PML: variants seen among roughly 807,000 people sequenced by gnomAD.
PML encodes PML nuclear body scaffold.
Under a neutral mutation model 65.2 loss-of-function variants are expected in PML, and 28 were observed. The ratio of observed to expected loss-of-function variants is 0.43; its 90% CI spans 0.32 to 0.59. PML has a LOEUF of 0.59. Ranked by LOEUF, PML falls within the 20% of genes least tolerant of loss-of-function variation. The pLI, the probability that PML is intolerant of heterozygous loss-of-function variation, is 0.08. For missense variants in PML, 1,021 were observed against 1,203.4 expected (o/e 0.85, Z 2.24); for synonymous variants, 500 against 508.8 (o/e 0.98, Z 0.23).
rs560801018 is a variant in PML, at chr15:74,037,845, C to T, written c.1710+3315C>T. 3.8e-4 allele frequency: 159 copies of T among 417,108 alleles called. No homozygotes were observed. Among genetic ancestry groups the T allele is most frequent in the Admixed American group, 1.5e-3 (24 of 15,600 alleles). 25.8% of individuals were successfully genotyped at this position (417,108 alleles called of 1,614,324 possible). On this transcript the variant is annotated intron_variant, in intron 7 of 8. Transcript: ENST00000268058. The surrounding 1 kb of genome is among the most constrained non-coding windows in gnomAD (Gnocchi z 4.2). ...GTATTCTCCCAGGTGCTCTCAGCCACGCCCCTGACTTCAGTTACTGCCCAG... is the reference window on the plus strand; with the variant it reads ...GTATTCTCCCAGGTGCTCTCAGCCATGCCCCTGACTTCAGTTACTGCCCAG...
intron 2 of PML, among the ~76,000 whole-genome samples, chr15:74,017,879 AAAT>A (rs2070664411): frequency 6.6e-6 from 1 of 152,012 alleles, no homozygotes; most frequent in Non-Finnish European, 1.5e-5. Flanking sequence ...CTTAGGCCTG[AAAT>A]CGCAGCACTT....
At position 74,023,047 on chromosome 15, in the gene PML, G is replaced by T. The variant is rs1320649709; in HGVS notation, c.822G>T (p.Glu274Asp). 6.2e-7 allele frequency: 1 copy of T among 1,604,362 alleles called. No homozygotes were observed. The highest frequency in any genetic ancestry group is 8.5e-7 in the Non-Finnish European group (1 of 1,178,352). Reference protein sequence around the residue: ...AVGQLGRARAETEELIRERVR... With the variant: ...AVGQLGRARADTEELIRERVR... ...GCCAGCTGGGCCGCGCGCGTGCCGA[G>T]ACCGAGGAGCTGATCCGCGAGCGCG... is the stretch of plus-strand genomic sequence containing the variant. The change falls in exon 3 of 9, where the codon GAG (glutamate) becomes GAT (aspartate). Residue 274 changes from glutamate to aspartate, a missense_variant. Transcript: ENST00000268058.
In PML at chr15:74,044,989, G is replaced by A. The variant is rs1595924064; in HGVS notation, c.2630G>A (p.Arg877Lys). ...TPLAGRGLAE[R>K]ASQQS ...CTTGCTGGCCGTGGCTTGGCAGAGAGGGCCTCCCAGCAGAGCTGAGAGGAG... is the reference window on the plus strand; with the variant it reads ...CTTGCTGGCCGTGGCTTGGCAGAGAAGGCCTCCCAGCAGAGCTGAGAGGAG... Residue 877 changes from arginine to lysine, a missense_variant, in exon 9 of 9, where the codon AGG becomes AAG. Arg to Lys is a conservative substitution (Grantham distance 26). Coordinates refer to ENST00000268058, the MANE Select transcript of PML (RefSeq NM_033238.3). 1 of 1,605,972 alleles carries A rather than the reference G, an allele frequency of 6.2e-7. No individual in the cohort carries two copies.
chr15:74,042,180 G>A lies in PML; in HGVS notation c.1711-809G>A, dbSNP rs1284433246. ...CTGGCTCCCCACCCCATGGCTTCTC[G>A]AACAGTGTTCCCACCAGGACCTTGG... On this transcript the variant is annotated intron_variant, in intron 7 of 8. Transcript: ENST00000268058. This position sits in a 1 kb window ranked among gnomAD's most constrained non-coding sequence, Gnocchi z 5.3. Among the ~76,000 whole-genome samples the A allele has an allele frequency of 6.6e-6, 1 of 152,256 alleles. No homozygotes were observed. The highest frequency in any genetic ancestry group is 2.4e-5 in the African/African-American group (1 of 41,534).
chr15:74,018,322 CAA>C (rs10663510), intron 2 of PML, among the ~76,000 whole-genome samples: 10 of 94,860 alleles, frequency 1.1e-4, no homozygotes, highest in Non-Finnish European at 1.1e-4. Context: ...GACTCAGTCT[CAA>C]AAAAAAAAAA....
chr15:74,036,017 C>T (rs1348558743), intron 7 of PML: 2 of 1,614,158 alleles, frequency 1.2e-6, no homozygotes, highest in Non-Finnish European at 1.7e-6. Context: ...CTGCCTCCTC[C>T]AGCCCATGCT....
chr15:74,004,997 C>T (rs1202772412), intron 2 of PML, among the ~76,000 whole-genome samples: 1 of 152,122 alleles, frequency 6.6e-6, no homozygotes, highest in African/African-American at 2.4e-5. Flanking sequence ...TAGGCGTGAG[C>T]CACTGTGCCT....
At chr15:74,028,179 A>G (rs1408455958) in intron 4 of PML, 1 of 152,246 alleles carries the variant, frequency 6.6e-6, no homozygotes, top group Non-Finnish European at 1.5e-5. Flanking sequence ...TTTAATGGAA[A>G]AAAATAAATT....
intron 7 of PML, among the ~76,000 whole-genome samples, chr15:74,039,666 A>C (rs1031482507): frequency 2.0e-5 from 3 of 152,182 alleles, no homozygotes; most frequent in East Asian, 3.8e-4. Context: ...ATTCTAATCG[A>C]ATCAGTCTTG....
intron 4 of PML, chr15:74,026,849 G>T (rs1381957280): frequency 1.3e-5 from 2 of 151,902 alleles, no homozygotes; most frequent in East Asian, 3.9e-4. Flanking sequence ...ATGGGGTTTT[G>T]CTATGTTAGC....
At chr15:74,039,701 T>C (rs1327073739) in intron 7 of PML, among the ~76,000 whole-genome samples, 27 of 152,214 alleles carry the variant, frequency 1.8e-4, no homozygotes. Flanking sequence ...CTCAGTTTTT[T>C]CTTAAAGCTA....
intron 2 of PML, among the ~76,000 whole-genome samples, chr15:73,999,895 C>A (rs140818472): frequency 7.0e-6 from 1 of 142,250 alleles, no homozygotes; most frequent in Admixed American, 7.2e-5. Context: ...AGTGCAGTGG[C>A]GCGATCTCGG....
At chr15:74,009,698 C>G (rs1395129456) in intron 2 of PML, among the ~76,000 whole-genome samples, 2 of 151,704 alleles carry the variant, frequency 1.3e-5, no homozygotes, top group Non-Finnish European at 2.9e-5. Flanking sequence ...GCAGCCTCAA[C>G]CTCCCAGGTT....
chr15:74,021,228 A>G (rs2070819699), intron 2 of PML, among the ~76,000 whole-genome samples: 1 of 152,204 alleles, frequency 6.6e-6, no homozygotes, highest in African/African-American at 2.4e-5. Context: ...ATGAGTAAAT[A>G]TTTGCCAATG....
intron 1 of PML, among the ~76,000 whole-genome samples, chr15:73,996,380 A>C (rs1472208284): frequency 6.6e-6 from 1 of 152,246 alleles, no homozygotes. Context: ...CCCACAATAT[A>C]TGAGACTCAA....
chr15:74,002,459 T>C (rs1233913057), intron 2 of PML, among the ~76,000 whole-genome samples: 2 of 146,514 alleles, frequency 1.4e-5, no homozygotes, highest in Non-Finnish European at 3.0e-5. Flanking sequence ...TTTTTTTTTT[T>C]TTTTGATGGA....
chr15:74,043,224 G>A lies in PML; in HGVS notation c.1861+85G>A. ...AAGTGCAGGCAGAGCCATCTGCCAG[G>A]CCCAGGAGAGCTCTGAGCTCTGGCC... On this transcript the variant is annotated intron_variant, in intron 8 of 8. Transcript: ENST00000268058. This position sits in a 1 kb window ranked among gnomAD's most constrained non-coding sequence, Gnocchi z 4.3. 6.2e-7 allele frequency: 1 copy of A among 1,611,608 alleles called. No homozygotes were observed. Among genetic ancestry groups the A allele is most frequent in the Non-Finnish European group, 8.5e-7 (1 of 1,178,914 alleles).
rs2071500895 is a variant in PML, at chr15:74,035,354, T to C, written c.1710+824T>C. The C allele has an allele frequency of 9.3e-6, 15 of 1,611,978 alleles. No individual in the cohort carries two copies. Among genetic ancestry groups the C allele is most frequent in the Non-Finnish European group, 1.3e-5 (15 of 1,179,950 alleles). ...CTCCCCACCAGCCCGCTGAGCAGGC[T>C]GCCACCCCCGATGCTGAGCCTCACA... is the stretch of plus-strand genomic sequence containing the variant. On this transcript the variant is annotated intron_variant, in intron 7 of 8. Coordinates refer to ENST00000268058, the MANE Select transcript of PML (RefSeq NM_033238.3). This position sits in a 1 kb window ranked among gnomAD's most constrained non-coding sequence, Gnocchi z 4.1.
chr15:74,024,780 T>A (rs767187629), intron 3 of PML, 77 bp from the exon 4 acceptor site: 1 of 1,042,802 alleles, frequency 9.6e-7, no homozygotes, highest in African/African-American at 1.6e-5. Context: ...GGACCTCCTC[T>A]CTATCACTGT....
Sources: allele counts gnomAD v4.1 joint callset (sites outside exome capture counted in the v4.1 genomes callset), GRCh38; gene constraint gnomAD v4.1.1; non-coding constraint Gnocchi (gnomAD v3.1); transcripts MANE v1.5; gene names NCBI Gene and HGNC (gene_info 2026-07-23, HGNC 2026-07-21).